The following DAB1 variants were observed in gnomAD, a reference collection of about 807,000 sequenced individuals.
DAB1 encodes DAB adaptor protein 1.
DAB1 carries 15 observed loss-of-function variants against 64.6 expected under a neutral mutation model. That is an observed-to-expected ratio of 0.23 (90% confidence interval 0.16 to 0.36). DAB1 has a LOEUF of 0.36. Ranked by LOEUF, DAB1 falls within the 10% of genes least tolerant of loss-of-function variation. The probability of loss-of-function intolerance (pLI) is 1.00; values close to 1 mark genes in which losing one functional copy is unlikely to be tolerated. For missense variants in DAB1, 596 were observed against 706.7 expected, an observed-to-expected ratio of 0.84 and a Z score of 1.78; for synonymous variants, 235 against 251.9, an observed-to-expected ratio of 0.93 and a Z score of 0.64.
chr1:57,112,920 C>T (rs745513071), intron 4 of DAB1, among the ~76,000 whole-genome samples: 12 of 151,948 alleles, frequency 7.9e-5, no homozygotes, highest in Non-Finnish European at 1.3e-4. Flanking sequence ...CAATCAATTA[C>T]AATACAATTC....
intron 7 of DAB1, among the ~76,000 whole-genome samples, chr1:57,590,578 A>T (rs1381265494): frequency 6.6e-6 from 1 of 151,952 alleles, no homozygotes; most frequent in Non-Finnish European, 1.5e-5. Context: ...TGATCTGCAC[A>T]TCTTGGCCTC....
chr1:57,426,275 T>C (rs1022731864), upstream of DAB1, among the ~76,000 whole-genome samples: 8 of 152,228 alleles, frequency 5.3e-5, no homozygotes, highest in African/African-American at 1.9e-4. Context: ...TACAAGACTC[T>C]ATCTCTGCTC....
intron 2 of DAB1, among the ~76,000 whole-genome samples, chr1:57,254,682 TTTC>T (rs1375395019): frequency 3.3e-5 from 5 of 152,228 alleles, no homozygotes; most frequent in Non-Finnish European, 1.5e-5. Context: ...GTCTAGGTTA[TTTC>T]TTTTGTTGCT....
intron 1 of DAB1, among the ~76,000 whole-genome samples, chr1:57,845,966 C>T (rs569304179): frequency 6.6e-6 from 1 of 152,160 alleles, no homozygotes; most frequent in South Asian, 2.1e-4. Flanking sequence ...GCCCATGGGC[C>T]TTTGCAAGGA....
At chr1:58,042,872 A>G (rs889955609) in intron 5 of DAB1, among the ~76,000 whole-genome samples, 1 of 152,210 alleles carries the variant, frequency 6.6e-6, no homozygotes, top group African/African-American at 2.4e-5. Flanking sequence ...TATAATAATC[A>G]GATTTGCATT....
chr1:57,495,378 T>C (rs1255702535), intron 7 of DAB1, among the ~76,000 whole-genome samples: 1 of 152,238 alleles, frequency 6.6e-6, no homozygotes, highest in East Asian at 1.9e-4. Context: ...CCAAATATCA[T>C]GCTGCACTGT....
At chr1:57,376,595 T>C (rs973414852) in intron 1 of DAB1, among the ~76,000 whole-genome samples, 12 of 152,200 alleles carry the variant, frequency 7.9e-5, no homozygotes, top group African/African-American at 2.4e-4. Context: ...AAATACCTCT[T>C]GCTTACATGT....
chr1:57,206,791 T>C (rs1349989465), intron 2 of DAB1, among the ~76,000 whole-genome samples: 1 of 152,190 alleles, frequency 6.6e-6, no homozygotes, highest in Non-Finnish European at 1.5e-5. Flanking sequence ...ACAGGCGTTT[T>C]GGAGTCAGAA....
chr1:57,117,363 T>G (rs1375011192), intron 4 of DAB1, among the ~76,000 whole-genome samples: 2 of 152,210 alleles, frequency 1.3e-5, no homozygotes, highest in East Asian at 1.9e-4. Flanking sequence ...GCCGCATAAC[T>G]ACTCTGCGAA....
At chr1:57,959,092 A>G (rs1645456335) in intron 5 of DAB1, among the ~76,000 whole-genome samples, 1 of 152,196 alleles carries the variant, frequency 6.6e-6, no homozygotes, top group Admixed American at 6.5e-5. Context: ...TAGTCAAGTG[A>G]TCAGCACTCA....
At chr1:57,136,297 C>T (rs1035451916) in intron 4 of DAB1, among the ~76,000 whole-genome samples, 9 of 152,152 alleles carry the variant, frequency 5.9e-5, no homozygotes, top group African/African-American at 2.2e-4. Context: ...CATCAATCTC[C>T]CATCAGATTA....
At chr1:57,210,082 A>T (rs1246114521) in intron 2 of DAB1, among the ~76,000 whole-genome samples, 3 of 152,178 alleles carry the variant, frequency 2.0e-5, no homozygotes, top group Non-Finnish European at 2.9e-5. Context: ...AACTTCTAGG[A>T]TTATTATGAC....
chr1:57,143,099 G>A (rs898678597), intron 3 of DAB1, among the ~76,000 whole-genome samples: 1 of 152,112 alleles, frequency 6.6e-6, no homozygotes, highest in Non-Finnish European at 1.5e-5. Flanking sequence ...CTCTTCTGGG[G>A]CTTTCTGTGC....
At chr1:58,274,569 G>T (rs1278760819) in intron 4 of DAB1, among the ~76,000 whole-genome samples, 15 of 144,308 alleles carry the variant, frequency 1.0e-4, no homozygotes, top group African/African-American at 3.1e-4. Context: ...GTTTACCTAA[G>T]CACGCCTGGG....
chr1:57,087,874 A>G (rs1653248036), intron 4 of DAB1, among the ~76,000 whole-genome samples: 1 of 152,184 alleles, frequency 6.6e-6, no homozygotes. Flanking sequence ...AATCTGTGCA[A>G]GAATGTCAGT....
At chr1:58,254,254 A>T (rs1262339071) in intron 4 of DAB1, among the ~76,000 whole-genome samples, 1 of 152,064 alleles carries the variant, frequency 6.6e-6, no homozygotes, top group Non-Finnish European at 1.5e-5. Context: ...TTGTTCAGAA[A>T]CCTTGTTGCT....
chr1:57,795,771 G>C (rs961149085), intron 6 of DAB1, among the ~76,000 whole-genome samples: 3 of 139,238 alleles, frequency 2.2e-5, no homozygotes, highest in Non-Finnish European at 4.6e-5. Context: ...TATAGTGGGA[G>C]AAATACTAGT....
At chr1:57,725,682 T>A (rs1647199998) in intron 6 of DAB1, among the ~76,000 whole-genome samples, 1 of 152,108 alleles carries the variant, frequency 6.6e-6, no homozygotes, top group African/African-American at 2.4e-5. Flanking sequence ...TAAATAATAA[T>A]ATTATTACCA....
intron 7 of DAB1, among the ~76,000 whole-genome samples, chr1:57,533,964 C>G (rs1644695732): frequency 6.6e-6 from 1 of 152,104 alleles, no homozygotes; most frequent in Non-Finnish European, 1.5e-5. Flanking sequence ...GCCAGTCCAC[C>G]TTTGCTTCAA....
Sources: allele counts gnomAD v4.1 joint callset (sites outside exome capture counted in the v4.1 genomes callset), GRCh38; gene constraint gnomAD v4.1.1; transcripts MANE v1.5; gene names NCBI Gene and HGNC (gene_info 2026-07-23, HGNC 2026-07-21).